The following ADARB2 variants were observed in gnomAD, a reference collection of about 807,000 sequenced individuals.
ADARB2 encodes the protein inactive double-stranded RNA-specific editase B2.
In ADARB2, 25 loss-of-function variants were observed where a neutral mutation model predicts 62.2. The ratio of observed to expected loss-of-function variants is 0.40; its 90% CI spans 0.29 to 0.56. The LOEUF (loss-of-function observed/expected upper bound fraction) is 0.56, where lower values mean the gene tolerates loss of function less well. Ranked by LOEUF, ADARB2 falls within the 20% of genes least tolerant of loss-of-function variation. ADARB2 has a pLI of 0.43. For synonymous variants in ADARB2, 572 were observed against 500.8 expected, an observed-to-expected ratio of 1.14 and a Z score of -1.90; for missense variants, 1,071 against 1,077.4, an observed-to-expected ratio of 0.99 and a Z score of 0.08.
chr10:1,196,206 CTTTTTT>C (rs10665720), intron 8 of ADARB2, among the ~76,000 whole-genome samples: 32 of 120,902 alleles, frequency 2.6e-4, no homozygotes, highest in African/African-American at 6.5e-4. Context: ...CTTCTTTTGC[CTTTTTT>C]TTTTTTTTTT....
chr10:1,608,463 A>G (rs1179944861), intron 1 of ADARB2, among the ~76,000 whole-genome samples: 1 of 151,410 alleles, frequency 6.6e-6, no homozygotes, highest in Admixed American at 6.6e-5. Context: ...AGGGGATGAG[A>G]GGAGGGAAGG....
At chr10:1,350,365 T>C (rs189880641) in intron 3 of ADARB2, among the ~76,000 whole-genome samples, 1 of 152,098 alleles carries the variant, frequency 6.6e-6, no homozygotes, top group African/African-American at 2.4e-5. Context: ...TACAGACCCA[T>C]CTGACCCCTC....
At chr10:1,217,721 G>A (rs542206298) in intron 6 of ADARB2, among the ~76,000 whole-genome samples, 19 of 152,282 alleles carry the variant, frequency 1.2e-4, no homozygotes, top group Admixed American at 1.0e-3. Context: ...CTCTAATGAC[G>A]AGGGTAATAG....
intron 1 of ADARB2, among the ~76,000 whole-genome samples, chr10:1,576,025 CCAGGGCCACTCGGCGGGGGGGT>C (rs1833010207): frequency 1.3e-4 from 4 of 31,480 alleles, no homozygotes; most frequent in African/African-American, 3.1e-4. Flanking sequence ...GGGAGGGGGC[CCAGGGCCACTCGGCGGGGGGGT>C]CAGGGTCACA....
At chr10:1,388,171 T>C (rs10903436) in intron 1 of ADARB2, among the ~76,000 whole-genome samples, 62,262 of 152,036 alleles carry the variant, frequency 0.41, 15,129 homozygotes, top group East Asian at 0.67. Flanking sequence ...AATTTATCTA[T>C]AGATACAAAA....
chr10:1,207,423 T>C (rs1363670258), intron 7 of ADARB2, among the ~76,000 whole-genome samples: 1 of 152,210 alleles, frequency 6.6e-6, no homozygotes, highest in Non-Finnish European at 1.5e-5. Flanking sequence ...GTTCGGTGTT[T>C]AAAAGCAGTT....
At chr10:1,688,855 A>T (rs531650892) in intron 1 of ADARB2, among the ~76,000 whole-genome samples, 1 of 152,336 alleles carries the variant, frequency 6.6e-6, no homozygotes, top group African/African-American at 2.4e-5. Flanking sequence ...CTAAGCTGAG[A>T]GACAGAGAGC....
intron 1 of ADARB2, among the ~76,000 whole-genome samples, chr10:1,633,284 A>T (rs941118018): frequency 2.0e-5 from 3 of 151,590 alleles, no homozygotes; most frequent in Non-Finnish European, 4.4e-5. Flanking sequence ...CCCATAATAA[A>T]CCTCCCCATA....
chr10:1,416,421 C>T (rs1832802156), intron 1 of ADARB2, among the ~76,000 whole-genome samples: 1 of 152,234 alleles, frequency 6.6e-6, no homozygotes, highest in Non-Finnish European at 1.5e-5. Context: ...TAGCTGGTTC[C>T]TCCTCTAACC....
intron 1 of ADARB2, among the ~76,000 whole-genome samples, chr10:1,653,961 G>C (rs895624844): frequency 2.0e-5 from 3 of 152,160 alleles, no homozygotes; most frequent in Non-Finnish European, 4.4e-5. Context: ...GGGAGTAACA[G>C]AATGAGCATA....
At chr10:1,632,434 TTGCACACACATGCACACTACACATG>T (rs572991132) in intron 1 of ADARB2, among the ~76,000 whole-genome samples, 86 of 151,984 alleles carry the variant, frequency 5.7e-4, no homozygotes, top group African/African-American at 1.8e-3. Context: ...ACACAAGTGC[TTGCACACACATGCACACTACACATG>T]TGCACACACA....
rs368046622 is a variant in ADARB2 at position 1,523,785 on chromosome 10, A to T, written c.101-144625T>A. Among the ~76,000 whole-genome samples the T allele has an allele frequency of 5.3e-5, 8 of 152,322 alleles. No individual in the cohort carries two copies. In the East Asian group the frequency reaches 1.3e-3, roughly 26 times the overall value. On this transcript the variant is annotated intron_variant, in intron 1 of 9. Transcript: ENST00000381312. The stretch of plus-strand genomic sequence containing the variant: ...ATCCCAGTTTCACCATTATATCAGC[A>T]CAAATCTTGAACATTTCATTTTCTA...
chr10:1,253,936 T>C (rs1490361962), intron 4 of ADARB2, among the ~76,000 whole-genome samples: 1 of 150,666 alleles, frequency 6.6e-6, no homozygotes, highest in African/African-American at 2.5e-5. Context: ...TAAGATGCGA[T>C]GGGCTCTGGG....
intron 1 of ADARB2, among the ~76,000 whole-genome samples, chr10:1,505,722 C>A (rs996235384): frequency 2.0e-5 from 3 of 148,000 alleles, no homozygotes; most frequent in African/African-American, 5.0e-5. Flanking sequence ...TCCCCATGCC[C>A]GTGGTTCTGC....
chr10:1,326,435 G>A (rs1831846880), intron 3 of ADARB2, among the ~76,000 whole-genome samples: 1 of 152,190 alleles, frequency 6.6e-6, no homozygotes, highest in Non-Finnish European at 1.5e-5. Flanking sequence ...GGCAGGAAAG[G>A]CGAGACCCCA....
chr10:1,569,997 G>T (rs1170754411), intron 1 of ADARB2, among the ~76,000 whole-genome samples: 1 of 151,818 alleles, frequency 6.6e-6, no homozygotes, highest in African/African-American at 2.4e-5. Context: ...CCATGTCTGG[G>T]AACTCCATTT....
chr10:1,618,653 T>TCC (rs758586406), intron 1 of ADARB2, among the ~76,000 whole-genome samples: 3 of 151,936 alleles, frequency 2.0e-5, no homozygotes, highest in Non-Finnish European at 4.4e-5. Context: ...CAGGTGATGC[T>TCC]CCCCTCTCAG....
chr10:1,335,239 G>A (rs985720495), intron 3 of ADARB2, among the ~76,000 whole-genome samples: 2 of 145,918 alleles, frequency 1.4e-5, no homozygotes, highest in Non-Finnish European at 3.0e-5. Context: ...TGGAAGGAGG[G>A]ATGGAGGGTG....
intron 1 of ADARB2, among the ~76,000 whole-genome samples, chr10:1,657,971 CTCTA>C (rs1014701702): frequency 1.1e-5 from 1 of 87,202 alleles, no homozygotes; most frequent in African/African-American, 3.5e-5. Context: ...CTCAGTCTCT[CTCTA>C]TCTCAGTCTC....
Sources: allele counts gnomAD v4.1 joint callset (sites outside exome capture counted in the v4.1 genomes callset), GRCh38; gene constraint gnomAD v4.1.1; transcripts MANE v1.5; gene names NCBI Gene and HGNC (gene_info 2026-07-23, HGNC 2026-07-21).